RNF130: variants seen among roughly 807,000 people sequenced by gnomAD.
RNF130 encodes the protein ring finger protein 130, also known as E3 ubiquitin-protein ligase RNF130.
RNF130 carries 21 observed loss-of-function variants against 44.6 expected under a neutral mutation model. The ratio of observed to expected loss-of-function variants is 0.47; its 90% CI spans 0.33 to 0.68. The LOEUF (loss-of-function observed/expected upper bound fraction) is 0.68, where lower values mean the gene tolerates loss of function less well. RNF130 is among the 30% of genes least tolerant of loss of function. The pLI is 0.02. For synonymous variants in RNF130, 214 were observed against 210.4 expected, an observed-to-expected ratio of 1.02 and a Z score of -0.15; for missense variants, 479 against 560.6, an observed-to-expected ratio of 0.85 and a Z score of 1.47.
At chr5:179,946,545 C>T (rs1334898833) in intron 7 of RNF130, among the ~76,000 whole-genome samples, 1 of 151,662 alleles carries the variant, frequency 6.6e-6, no homozygotes, top group Non-Finnish European at 1.5e-5. Context: ...TACAGCACAC[C>T]CACCGGGGAT....
chr5:179,974,757 C>T (rs1309976922), intron 5 of RNF130, among the ~76,000 whole-genome samples: 2 of 152,180 alleles, frequency 1.3e-5, no homozygotes, highest in African/African-American at 2.4e-5. Context: ...TCACGAGATG[C>T]CGGCGAGTGG....
At chr5:180,008,661 G>A (rs1341841481) in intron 3 of RNF130, among the ~76,000 whole-genome samples, 2 of 151,960 alleles carry the variant, frequency 1.3e-5, no homozygotes, top group African/African-American at 4.8e-5. Flanking sequence ...GAGGTGCACA[G>A]ATCGCTTGAG....
intron 2 of RNF130, among the ~76,000 whole-genome samples, chr5:180,034,444 T>G (rs549364073): frequency 3.3e-3 from 501 of 152,334 alleles, no homozygotes; most frequent in Non-Finnish European, 4.8e-3. Context: ...TTAGTATTAT[T>G]TTTTCTTTAA....
At chr5:179,933,819 C>G (rs558423380) in intron 7 of RNF130, 115 of 746,176 alleles carry the variant, frequency 1.5e-4, no homozygotes, top group South Asian at 1.5e-3. Flanking sequence ...ATAAAGAATC[C>G]CAGGATTTTC....
chr5:179,970,660 T>C (rs577863197), intron 5 of RNF130, among the ~76,000 whole-genome samples, 154 bp from the exon 6 acceptor site: 5 of 152,216 alleles, frequency 3.3e-5, no homozygotes, highest in African/African-American at 4.8e-5. Context: ...TTTATTAAAA[T>C]ATAACTTGCA....
chr5:179,943,872 T>C (rs958707672), intron 7 of RNF130, among the ~76,000 whole-genome samples: 3 of 152,146 alleles, frequency 2.0e-5, no homozygotes, highest in African/African-American at 7.2e-5. Flanking sequence ...AATGAGAAAA[T>C]ACACTTTTTC....
chr5:179,993,902 A>G (rs916156387), intron 3 of RNF130, among the ~76,000 whole-genome samples: 23 of 152,166 alleles, frequency 1.5e-4, no homozygotes, highest in African/African-American at 4.3e-4. Flanking sequence ...TAATTTTTGT[A>G]TAAGGTGTAA....
intron 3 of RNF130, among the ~76,000 whole-genome samples, chr5:180,002,877 G>A (rs1763377516): frequency 6.6e-6 from 1 of 152,010 alleles, no homozygotes; most frequent in Non-Finnish European, 1.5e-5. Flanking sequence ...CAAGTTCTAA[G>A]GATTTCTAAT....
At chr5:180,052,033 C>T (rs906725322) in intron 1 of RNF130, among the ~76,000 whole-genome samples, 6 of 152,158 alleles carry the variant, frequency 3.9e-5, no homozygotes, top group Non-Finnish European at 8.8e-5. Context: ...TACAACTCTT[C>T]CCGAGGCTCT....
chr5:179,923,795 T>A (rs959700341), intron 7 of RNF130, among the ~76,000 whole-genome samples: 6 of 152,260 alleles, frequency 3.9e-5, no homozygotes, highest in Non-Finnish European at 7.3e-5. Context: ...AATTAAACTC[T>A]GTTAAATTTA....
At chr5:180,041,729 G>C (rs1418268605) in intron 1 of RNF130, among the ~76,000 whole-genome samples, 1 of 152,210 alleles carries the variant, frequency 6.6e-6, no homozygotes, top group African/African-American at 2.4e-5. Context: ...AAGGAAGTAA[G>C]GAAAGGGAAC....
chr5:180,018,667 C>T (rs1307256939), intron 2 of RNF130, among the ~76,000 whole-genome samples: 2 of 152,244 alleles, frequency 1.3e-5, no homozygotes, highest in African/African-American at 4.8e-5. Flanking sequence ...GGAAGAAAAT[C>T]AAAAGGCCTC....
chr5:179,915,441 C>CCTTACCCCCACT (rs1761530749), exon 8 of RNF130: 1 of 152,792 alleles, frequency 6.5e-6, no homozygotes, highest in African/African-American at 2.4e-5. Context: ...GCACCAGGTT[C>CCTTACCCCCACT]GCACCTCCAT....
chr5:180,022,419 G>A (rs1021592532), intron 2 of RNF130, among the ~76,000 whole-genome samples: 1 of 152,208 alleles, frequency 6.6e-6, no homozygotes, highest in Non-Finnish European at 1.5e-5. Flanking sequence ...ATAAGACCCT[G>A]TGTACAGAGC....
chr5:180,042,680 T>C (rs1418044005), intron 1 of RNF130, among the ~76,000 whole-genome samples: 2 of 152,250 alleles, frequency 1.3e-5, no homozygotes, highest in East Asian at 3.8e-4. Context: ...TTAGGTGTTC[T>C]GTTCGTTATT....
At chr5:179,956,817 G>A (rs1264304999) in intron 8 of RNF130, among the ~76,000 whole-genome samples, 1 of 152,242 alleles carries the variant, frequency 6.6e-6, no homozygotes, top group Non-Finnish European at 1.5e-5. Flanking sequence ...CTGAGCTCTG[G>A]CGGGGCCAGA....
chr5:179,984,727 T>C (rs1355841503), intron 3 of RNF130, among the ~76,000 whole-genome samples: 1 of 152,192 alleles, frequency 6.6e-6, no homozygotes, highest in East Asian at 1.9e-4. Flanking sequence ...CTAGTTTTGG[T>C]ATTAGGAATG....
chr5:180,061,197 G>A (rs1357740617), intron 1 of RNF130, among the ~76,000 whole-genome samples: 1 of 152,080 alleles, frequency 6.6e-6, no homozygotes, highest in African/African-American at 2.4e-5. Context: ...GAATGAAATG[G>A]CTGATGGCTT....
Position 180,056,255 on chromosome 5 carries a change from A to G in RNF130, c.247+15201T>C, listed in dbSNP as rs1188724518. 4.4e-3 allele frequency among the ~76,000 whole-genome samples: 143 copies of G among 32,218 alleles called. 1 individual carries two copies. Among genetic ancestry groups the G allele is most frequent in the Middle Eastern group, 0.021 (1 of 48 alleles). 21.1% of individuals were successfully genotyped at this position (32,218 alleles called of 152,430 possible). A position where few individuals can be genotyped will look rare whatever the true frequency, so the allele number is the denominator to read the frequency against. ...AGCCTTAAGATAGTATCTGTGGGGA[A>G]AAAAAAAAAAACCCTAATAGTGTAT... On this transcript the variant is annotated intron_variant, in intron 1 of 8. Transcript: ENST00000521389.
Sources: allele counts gnomAD v4.1 joint callset (sites outside exome capture counted in the v4.1 genomes callset), GRCh38; gene constraint gnomAD v4.1.1; transcripts MANE v1.5; gene names NCBI Gene and HGNC (gene_info 2026-07-23, HGNC 2026-07-21).